Variants in LRP6 observed in about 807,000 individuals in gnomAD.
LRP6 encodes LDL receptor related protein 6, also known as low-density lipoprotein receptor-related protein 6.
A neutral mutation model predicts 184.1 loss-of-function variants in LRP6; 43 were observed. That is an observed-to-expected ratio of 0.23 (90% CI 0.18 to 0.30). LRP6 has a LOEUF of 0.30. Among genes scored for constraint, LRP6 ranks in the 10% least tolerant of loss-of-function variants. The probability of loss-of-function intolerance (pLI) is 1.00; values close to 1 mark genes in which losing one functional copy is unlikely to be tolerated. For missense variants in LRP6, 1,571 were observed against 2,005.3 expected (o/e 0.78, Z 4.14); for synonymous variants, 719 against 684.9 (o/e 1.05, Z -0.78).
chr12:12,237,579 T>C (rs759876133), intron 2 of LRP6, among the ~76,000 whole-genome samples: 1 of 152,220 alleles, frequency 6.6e-6, no homozygotes, highest in Non-Finnish European at 1.5e-5. Flanking sequence ...AGTGATCAAC[T>C]GTAACATCAC....
chr12:12,231,676 G>A (rs1350627953), intron 2 of LRP6, among the ~76,000 whole-genome samples: 2 of 151,810 alleles, frequency 1.3e-5, no homozygotes. Context: ...ATCAGCCCAG[G>A]AAACGGTTTT....
At position 12,126,758 on chromosome 12, in the gene LRP6, A is replaced by C. The variant is rs199953311; in HGVS notation, c.4245T>G (p.Val1415=). The C allele has an allele frequency of 6.2e-7, 1 of 1,614,136 alleles. No homozygotes were observed. The highest frequency in any genetic ancestry group is 8.5e-7 in the Non-Finnish European group (1 of 1,179,996). The change falls in exon 20 of 23, where the codon GTT becomes GTG. Residue 1415 remains valine (V), a synonymous_variant. Coordinates refer to ENST00000261349, the MANE Select transcript of LRP6 (RefSeq NM_002336.3). The part of the protein sequence containing the change: ...DGETMTNDYV[V]HGPASVPLGY... Reference sequence around the variant, plus strand: ...CAAGAGGCACAGAAGCTGGTCCATGAACTACATAGTCATTAGTCATAGTTT... The same window carrying C: ...CAAGAGGCACAGAAGCTGGTCCATGCACTACATAGTCATTAGTCATAGTTT...
chr12:12,260,977 A>G (rs1865600223), intron 1 of LRP6, among the ~76,000 whole-genome samples: 1 of 152,230 alleles, frequency 6.6e-6, no homozygotes, highest in African/African-American at 2.4e-5. Flanking sequence ...ACGTTCTCAT[A>G]AAATATTTTC....
intron 1 of LRP6, among the ~76,000 whole-genome samples, chr12:12,244,863 T>C (rs943962407): frequency 7.9e-5 from 12 of 152,190 alleles, no homozygotes; most frequent in African/African-American, 2.4e-4. Flanking sequence ...GGGGGAACTA[T>C]TTCCACCACG....
chr12:12,131,097 A>ATCTT (rs775788996), intron 18 of LRP6, among the ~76,000 whole-genome samples: 1 of 78,198 alleles, frequency 1.3e-5, no homozygotes, highest in African/African-American at 4.0e-5. Flanking sequence ...ATTTCCTAAC[A>ATCTT]TTTTTTTTTT....
At position 12,117,535 on chromosome 12, in the gene LRP6, GA is replaced by G. The variant is rs1004992083; in HGVS notation, c.*3590del. On this transcript the variant is annotated 3_prime_UTR_variant, in exon 23 of 23. Transcript: ENST00000261349. ...AAGTGGGACAAAGCTTCCCCTACAA[GA>G]AATAAAACAATTCAAAATATGACAT... 1 of 152,192 alleles carries G rather than the reference GA, an allele frequency of 6.6e-6. No homozygotes were observed. The highest frequency in any genetic ancestry group is 2.4e-5 in the African/African-American group (1 of 41,442). The allele number at this position is 152,192 out of a possible 1,614,324, so 9.4% of individuals were successfully genotyped here.
chr12:12,174,280 T>A (rs1382925583), intron 7 of LRP6, among the ~76,000 whole-genome samples: 1 of 152,076 alleles, frequency 6.6e-6, no homozygotes, highest in Admixed American at 6.6e-5. Flanking sequence ...TTTGGCTAAT[T>A]TTTGTATTTT....
Position 12,179,990 on chromosome 12 carries a change from G to GTA in LRP6, c.1374-11_1374-10dup. 3 of 1,610,426 alleles carry GTA rather than the reference G, an allele frequency of 1.9e-6. No homozygotes were observed. The highest frequency in any genetic ancestry group is 2.5e-6 in the Non-Finnish European group (3 of 1,177,230). ...CAGTCCAATACATGTACCTAGAGAA[G>GTA]TATACAAAAAATGAGCTAAAAATAG... On this transcript the variant is annotated splice_polypyrimidine_tract_variant and intron_variant, in intron 6 of 22. Coordinates refer to ENST00000261349, the MANE Select transcript of LRP6 (RefSeq NM_002336.3).
rs761014963 is a variant in LRP6 at position 12,125,371 on chromosome 12, G to A, written c.4374C>T (p.Pro1458=). ...SLSIMGGSSG[P]PYDRAHVTGA... is the part of the protein sequence containing the mutation. ...CTGTAACATGGGCTCGGTCATAGGG[G>A]GGTCCACTGCTTCCCCCCATGATAC... Residue 1458 remains proline, a synonymous_variant, in exon 21 of 23, where the codon CCC becomes CCT. Transcript: ENST00000261349. The A allele has an allele frequency of 6.2e-7, 1 of 1,613,986 alleles. No individual in the cohort carries two copies. The highest frequency in any genetic ancestry group is 1.7e-5 in the Admixed American group (1 of 60,000).
intron 2 of LRP6, among the ~76,000 whole-genome samples, chr12:12,222,528 T>C (rs1006723533): frequency 2.7e-5 from 4 of 149,244 alleles, no homozygotes; most frequent in South Asian, 2.1e-4. Flanking sequence ...GATCGCGCCA[T>C]TGCACTCCAG....
intron 1 of LRP6, among the ~76,000 whole-genome samples, chr12:12,254,718 CA>C (rs1172574196): frequency 6.6e-6 from 1 of 152,206 alleles, no homozygotes; most frequent in Non-Finnish European, 1.5e-5. Flanking sequence ...TTCTAAGTTA[CA>C]GTTGACTTTA....
Position 12,132,089 on chromosome 12 carries a change from A to G in LRP6, c.3734-32T>C, listed in dbSNP as rs370213531. Reference sequence around the variant, plus strand: ...ATGAACAAGGAGAAGGGGAGTGACAAAAACACAATCATGGTCACACAGAAG... The same window carrying G: ...ATGAACAAGGAGAAGGGGAGTGACAGAAACACAATCATGGTCACACAGAAG... On this transcript the variant is annotated intron_variant, in intron 17 of 22. Transcript: ENST00000261349. The G allele has an allele frequency of 6.4e-6, 9 of 1,411,018 alleles. No homozygotes were observed. The African/African-American group carries it at 1.3e-4, about 20-fold the overall frequency. The allele number at this position is 1,411,018 out of a possible 1,614,324, so 87.4% of individuals were successfully genotyped here. A position where few individuals can be genotyped will look rare whatever the true frequency, so the allele number is the denominator to read the frequency against.
intron 1 of LRP6, among the ~76,000 whole-genome samples, chr12:12,244,873 G>A (rs761029701): frequency 4.6e-5 from 7 of 152,088 alleles, no homozygotes; most frequent in Non-Finnish European, 1.0e-4. Context: ...TTTCCACCAC[G>A]ATAGTCTTTT....
At chr12:12,207,781 T>C (rs1864106501) in intron 2 of LRP6, among the ~76,000 whole-genome samples, 1 of 152,042 alleles carries the variant, frequency 6.6e-6, no homozygotes, top group Non-Finnish European at 1.5e-5. Context: ...TGGGTCAAAT[T>C]TGAAATTGCC....
chr12:12,188,208 T>C (rs1188965428), intron 3 of LRP6, among the ~76,000 whole-genome samples: 2 of 123,906 alleles, frequency 1.6e-5, no homozygotes, highest in Non-Finnish European at 3.2e-5. Context: ...GAGACTCATC[T>C]CAAAAAAAAA....
chr12:12,189,316 T>G (rs1186810425), intron 3 of LRP6, among the ~76,000 whole-genome samples: 2 of 152,208 alleles, frequency 1.3e-5, no homozygotes, highest in African/African-American at 4.8e-5. Flanking sequence ...CAAAAGCCAT[T>G]CAGCACTACG....
At chr12:12,207,638 A>C (rs977641578) in intron 2 of LRP6, among the ~76,000 whole-genome samples, 2 of 152,178 alleles carry the variant, frequency 1.3e-5, no homozygotes, top group African/African-American at 2.4e-5. Context: ...CAGAAATCTA[A>C]CAGGAAGATC....
intron 1 of LRP6, among the ~76,000 whole-genome samples, chr12:12,263,634 G>A (rs934019178): frequency 1.3e-5 from 2 of 151,272 alleles, no homozygotes; most frequent in African/African-American, 2.4e-5. Context: ...CTTGAGCCCA[G>A]GAGTTTAAGA....
In LRP6 at chr12:12,177,370, C is replaced by A. The variant is rs147999274; in HGVS notation, c.1545+2440G>T. ...TAACAAAAGGCTAGCAAATACACTTCTTGGAAAAAGAGGGATTTTTAAAAT... is the reference window on the plus strand; with the variant it reads ...TAACAAAAGGCTAGCAAATACACTTATTGGAAAAAGAGGGATTTTTAAAAT... On this transcript the variant is annotated intron_variant, in intron 7 of 22. Transcript: ENST00000261349. Among the ~76,000 whole-genome samples the A allele has an allele frequency of 1.8e-4, 27 of 152,218 alleles. No homozygotes were observed. The East Asian group carries it at 5.0e-3, about 28-fold the overall frequency.
Sources: gnomAD v4.1 joint callset for allele counts (sites outside exome capture counted in the v4.1 genomes callset) on GRCh38, gnomAD v4.1.1 for gene constraint, MANE v1.5 for transcripts, NCBI Gene and HGNC (gene_info 2026-07-23, HGNC 2026-07-21) for gene names.